The following GHR variants were observed in gnomAD, a reference collection of about 807,000 sequenced individuals.
The protein encoded by GHR is growth hormone receptor.
Under a neutral mutation model 67.1 loss-of-function variants are expected in GHR, and 35 were observed. The ratio of observed to expected loss-of-function variants is 0.52; its 90% CI spans 0.40 to 0.69. The LOEUF (loss-of-function observed/expected upper bound fraction) is 0.69. Among genes scored for constraint, GHR ranks in the 30% least tolerant of loss-of-function variants. The pLI is 0.00. For missense variants in GHR, 792 were observed against 764.6 expected (o/e 1.04, Z -0.42); for synonymous variants, 272 against 269.1 (o/e 1.01, Z -0.10).
chr5:42,515,794 G>A (rs1287235978), intron 1 of GHR, among the ~76,000 whole-genome samples: 2 of 152,204 alleles, frequency 1.3e-5, no homozygotes, highest in Admixed American at 1.3e-4. Flanking sequence ...CTTGGTGGAA[G>A]GAGGGCAGTA....
intron 1 of GHR, among the ~76,000 whole-genome samples, chr5:42,509,518 C>G (rs2112260041): frequency 6.6e-6 from 1 of 152,294 alleles, no homozygotes; most frequent in Non-Finnish European, 1.5e-5. Context: ...TCTCAGTGAC[C>G]ATATGGTTTG....
chr5:42,626,749 A>G (rs2112734847), intron 2 of GHR, among the ~76,000 whole-genome samples: 1 of 152,320 alleles, frequency 6.6e-6, no homozygotes, highest in Middle Eastern at 3.4e-3. Context: ...AACTGTGTCA[A>G]GAAACGGAGA....
chr5:42,430,361 C>A (rs1472224014), intron 1 of GHR, among the ~76,000 whole-genome samples: 2 of 152,130 alleles, frequency 1.3e-5, no homozygotes, highest in African/African-American at 2.4e-5. Flanking sequence ...CACACACACA[C>A]ATACACACAC....
intron 1 of GHR, among the ~76,000 whole-genome samples, chr5:42,560,005 C>A (rs1339690143): frequency 6.6e-6 from 1 of 152,060 alleles, no homozygotes; most frequent in Non-Finnish European, 1.5e-5. Flanking sequence ...TCTTAGTAAT[C>A]AATGTTGGCA....
At chr5:42,559,655 T>C (rs1749496320) in intron 1 of GHR, among the ~76,000 whole-genome samples, 1 of 152,320 alleles carries the variant, frequency 6.6e-6, no homozygotes, top group Non-Finnish European at 1.5e-5. Context: ...GTTACACATT[T>C]AAAATTCCCA....
chr5:42,711,256 A>G lies in GHR; in HGVS notation c.668A>G (p.Asp223Gly). 2 of 1,613,060 alleles carry G rather than the reference A, an allele frequency of 1.2e-6. No homozygotes were observed. The highest frequency in any genetic ancestry group is 1.7e-6 in the Non-Finnish European group (2 of 1,179,026). ...GTTCCAGTGTACTCATTGAAAGTGG[A>G]TAAGGAATATGAAGTGCGTGTGAGA... Reference protein sequence around the residue: ...TSVPVYSLKVDKEYEVRVRSK... With the variant: ...TSVPVYSLKVGKEYEVRVRSK... The change falls in exon 7 of 10, where the codon GAT becomes GGT. Residue 223 changes from aspartate to glycine, a missense_variant. Coordinates refer to ENST00000230882, the MANE Select transcript of GHR (RefSeq NM_000163.5).
rs528820854 is a variant in GHR, at chr5:42,608,496, A to G, written c.71-20542A>G. Reference sequence around the variant, plus strand: ...ATTGTACTTTTTAGGGCAGTAGATTATATCATTTGTCATAAAGATGAGTGT... The same window carrying G: ...ATTGTACTTTTTAGGGCAGTAGATTGTATCATTTGTCATAAAGATGAGTGT... On this transcript the variant is annotated intron_variant, in intron 2 of 9. Coordinates refer to ENST00000230882, the MANE Select transcript of GHR (RefSeq NM_000163.5). Among the ~76,000 whole-genome samples, 20 of 152,262 alleles carry G rather than the reference A, an allele frequency of 1.3e-4. 1 individual carries two copies. Among genetic ancestry groups the G allele is most frequent in the Middle Eastern group, 6.8e-3 (2 of 294 alleles).
At chr5:42,624,213 G>C (rs145405834) in intron 2 of GHR, among the ~76,000 whole-genome samples, 2 of 152,290 alleles carry the variant, frequency 1.3e-5, no homozygotes, top group East Asian at 3.9e-4. Flanking sequence ...TTTGCAAAAA[G>C]AATTAAATGC....
chr5:42,524,034 A>G (rs1039089824), intron 1 of GHR, among the ~76,000 whole-genome samples: 5 of 152,204 alleles, frequency 3.3e-5, no homozygotes, highest in Non-Finnish European at 4.4e-5. Context: ...AGTTTCTGGT[A>G]CGTCTTTATC....
intron 1 of GHR, among the ~76,000 whole-genome samples, chr5:42,512,553 A>G (rs1210195643): frequency 1.3e-5 from 2 of 152,176 alleles, no homozygotes; most frequent in African/African-American, 4.8e-5. Flanking sequence ...CTGTGTGACC[A>G]GAGAGCATGC....
At chr5:42,679,289 G>A (rs1174489278) in intron 3 of GHR, among the ~76,000 whole-genome samples, 2 of 149,596 alleles carry the variant, frequency 1.3e-5, no homozygotes, top group East Asian at 3.9e-4. Flanking sequence ...TTTCCTGAAA[G>A]TCACTTTCAA....
At chr5:42,708,714 C>T (rs1337221299) in intron 6 of GHR, among the ~76,000 whole-genome samples, 4 of 152,160 alleles carry the variant, frequency 2.6e-5, no homozygotes, top group African/African-American at 9.7e-5. Flanking sequence ...AAAGCCATGG[C>T]ATATAGTTAC....
At chr5:42,677,382 G>A (rs1018631972) in intron 3 of GHR, among the ~76,000 whole-genome samples, 4 of 152,152 alleles carry the variant, frequency 2.6e-5, no homozygotes, top group Non-Finnish European at 4.4e-5. Flanking sequence ...CTACCCTTAC[G>A]AGTGTCATCA....
chr5:42,643,747 A>G (rs1754594542), intron 3 of GHR, among the ~76,000 whole-genome samples: 1 of 151,942 alleles, frequency 6.6e-6, no homozygotes, highest in Non-Finnish European at 1.5e-5. Context: ...AAAACAGCCC[A>G]GAATATCTGA....
At position 42,654,993 on chromosome 5, in the gene GHR, C is replaced by T. The variant is rs1277590395; in HGVS notation, c.136+25890C>T. On this transcript the variant is annotated intron_variant, in intron 3 of 9. Coordinates refer to ENST00000230882, the MANE Select transcript of GHR (RefSeq NM_000163.5). ...AGGGTTTCCTCTCATCCCCTCATCC[C>T]CTTGTGTCTGCCCCTGAATGCCAGA... 3.9e-5 allele frequency among the ~76,000 whole-genome samples: 6 copies of T among 152,170 alleles called. No homozygotes were observed. In the Middle Eastern group the frequency reaches 0.01, roughly 259 times the overall value.
chr5:42,673,337 G>A (rs1756412195), intron 3 of GHR, among the ~76,000 whole-genome samples: 1 of 152,232 alleles, frequency 6.6e-6, no homozygotes, highest in African/African-American at 2.4e-5. Context: ...CAGCCACTGT[G>A]AAAAGCAGTT....
At chr5:42,695,993 A>T (rs1173268419) in intron 5 of GHR, among the ~76,000 whole-genome samples, 1 of 152,256 alleles carries the variant, frequency 6.6e-6, no homozygotes, top group African/African-American at 2.4e-5. Flanking sequence ...GGAGAAGATT[A>T]AGAGAACTGT....
intron 1 of GHR, chr5:42,550,147 T>C: frequency 1.2e-6 from 1 of 861,832 alleles, no homozygotes; most frequent in Non-Finnish European, 1.4e-6. Flanking sequence ...CTTGAAGTGC[T>C]TCTTGAAAAT....
chr5:42,433,281 A>G (rs1434105044), intron 1 of GHR, among the ~76,000 whole-genome samples: 1 of 151,952 alleles, frequency 6.6e-6, no homozygotes, highest in Non-Finnish European at 1.5e-5. Flanking sequence ...TTCTCGGTGC[A>G]TATAGGGAGA....
Sources: allele counts gnomAD v4.1 joint callset (sites outside exome capture counted in the v4.1 genomes callset), GRCh38; gene constraint gnomAD v4.1.1; transcripts MANE v1.5; gene names NCBI Gene and HGNC (gene_info 2026-07-23, HGNC 2026-07-21).